NEK10: variants seen among roughly 807,000 people sequenced by gnomAD.
The protein encoded by NEK10 is serine/threonine-protein kinase Nek10.
In NEK10, 122 loss-of-function variants were observed where a neutral mutation model predicts 159.8. That is an observed-to-expected ratio of 0.76 (90% CI 0.66 to 0.89). NEK10 has a LOEUF of 0.89. NEK10 is among the 40% of genes least tolerant of loss of function. The pLI, the probability that NEK10 is intolerant of heterozygous loss-of-function variation, is 0.00. For missense variants in NEK10, 1,342 were observed against 1,323.1 expected (o/e 1.01, Z -0.22); for synonymous variants, 466 against 457.1 (o/e 1.02, Z -0.25).
intron 23 of NEK10, 149 bp from the exon 24 acceptor site, chr3:27,202,706 T>C (rs1005455484): frequency 5.4e-6 from 6 of 1,119,448 alleles, no homozygotes; most frequent in Admixed American, 3.3e-5. Flanking sequence ...AAAAAGTCTG[T>C]TTGAAATTTC....
At chr3:27,302,179 C>A (rs901022833) in intron 12 of NEK10, among the ~76,000 whole-genome samples, 1 of 152,084 alleles carries the variant, frequency 6.6e-6, no homozygotes, top group Admixed American at 6.5e-5. Context: ...TTCAATCTTC[C>A]TTTATTTTAA....
intron 28 of NEK10, 130 bp from the exon 29 acceptor site, chr3:27,172,003 T>C: frequency 1.0e-6 from 1 of 973,038 alleles, no homozygotes; most frequent in Non-Finnish European, 1.5e-6. Flanking sequence ...TCATACACTG[T>C]TGGTGGGACT....
intron 5 of NEK10, among the ~76,000 whole-genome samples, chr3:27,325,102 C>T (rs560059830): frequency 5.9e-5 from 9 of 152,268 alleles, no homozygotes; most frequent in South Asian, 2.1e-4. Flanking sequence ...GACTGAACTC[C>T]TGAGGTGAGA....
intron 30 of NEK10, among the ~76,000 whole-genome samples, chr3:27,159,552 T>G (rs956049379): frequency 3.3e-5 from 5 of 152,146 alleles, no homozygotes; most frequent in Admixed American, 2.0e-4. Context: ...TGTTTCTTCA[T>G]TCAGTTATTC....
chr3:27,361,897 C>CA (rs10542897), intron 1 of NEK10, among the ~76,000 whole-genome samples: 27 of 147,928 alleles, frequency 1.8e-4, no homozygotes, highest in Non-Finnish European at 2.4e-4. Flanking sequence ...CTGGGCACTA[C>CA]AAAAAAAAAA....
chr3:27,193,610 T>C (rs1949310706), intron 25 of NEK10, among the ~76,000 whole-genome samples: 1 of 143,778 alleles, frequency 7.0e-6, no homozygotes, highest in Non-Finnish European at 1.5e-5. Flanking sequence ...ATTTTTTTTT[T>C]TTTTTTTTTT....
intron 22 of NEK10, chr3:27,278,853 C>G (rs1317258415): frequency 2.0e-6 from 2 of 984,770 alleles, no homozygotes; most frequent in Admixed American, 6.2e-5. Context: ...CAATATGGAC[C>G]TTATTTGGCA....
rs36101281 is a variant in NEK10, at chr3:27,286,545, C to CTTTTTTTTTT, written c.1789+1143_1789+1152dup. Reference sequence around the variant, plus strand: ...TACAGGCGCCTGCCACCACGCCCAGCTTTTTTTTTTTTTTTTTTTTTTTAA... The same window carrying CTTTTTTTTTT: ...TACAGGCGCCTGCCACCACGCCCAGCTTTTTTTTTTTTTTTTTTTTTTTTTTTTTTTTTAA... On this transcript the variant is annotated intron_variant, in intron 20 of 35. Coordinates refer to ENST00000691995, the MANE Select transcript of NEK10 (RefSeq NM_001394966.1). Among the ~76,000 whole-genome samples, 4 of 65,020 alleles carry CTTTTTTTTTT rather than the reference C, an allele frequency of 6.2e-5. 1 individual carries two copies. The highest frequency in any genetic ancestry group is 2.7e-4 in the African/African-American group (3 of 11,228). 42.7% of individuals were successfully genotyped at this position (65,020 alleles called of 152,430 possible).
intron 26 of NEK10, among the ~76,000 whole-genome samples, chr3:27,186,070 C>T (rs550790936): frequency 6.6e-6 from 1 of 152,266 alleles, no homozygotes; most frequent in Non-Finnish European, 1.5e-5. Flanking sequence ...GAGGAGAATC[C>T]ATTCACTGTG....
chr3:27,254,132 A>G (rs1350902922), intron 23 of NEK10, among the ~76,000 whole-genome samples: 1 of 152,184 alleles, frequency 6.6e-6, no homozygotes, highest in Non-Finnish European at 1.5e-5. Context: ...CACGGACCGC[A>G]TGTAGCCCAA....
intron 25 of NEK10, among the ~76,000 whole-genome samples, chr3:27,198,696 C>A (rs907517605): frequency 3.3e-5 from 5 of 152,080 alleles, no homozygotes; most frequent in Non-Finnish European, 7.3e-5. Context: ...ACTATAAAAA[C>A]CCTGGAAGAC....
At chr3:27,248,256 C>CT (rs1216802917) in intron 23 of NEK10, among the ~76,000 whole-genome samples, 5 of 151,694 alleles carry the variant, frequency 3.3e-5, no homozygotes, top group East Asian at 1.9e-4. Context: ...GGTCTTCTCC[C>CT]TTTTTTTTAG....
intron 29 of NEK10, among the ~76,000 whole-genome samples, chr3:27,165,368 G>A (rs949972348): frequency 1.3e-5 from 2 of 152,180 alleles, no homozygotes; most frequent in Non-Finnish European, 2.9e-5. Flanking sequence ...ATTATGCAGA[G>A]CCTGGGGGAA....
rs565967573 is a variant in NEK10, at chr3:27,230,191, C to T, written c.2090+26105G>A. 4.6e-5 allele frequency among the ~76,000 whole-genome samples: 7 copies of T among 152,152 alleles called. No individual in the cohort carries two copies. The South Asian group carries it at 1.5e-3, about 32-fold the overall frequency. On this transcript the variant is annotated intron_variant, in intron 23 of 35. Coordinates refer to ENST00000691995, the MANE Select transcript of NEK10 (RefSeq NM_001394966.1). ...GATTTCTCAGGAGAAACCTTACAAG[C>T]CAGAAGGGATTGGGATCCTATCTTT...
intron 20 of NEK10, among the ~76,000 whole-genome samples, chr3:27,285,431 A>G (rs1408044035): frequency 6.6e-6 from 1 of 152,030 alleles, no homozygotes; most frequent in Non-Finnish European, 1.5e-5. Context: ...ACCTTACAGA[A>G]TTTTACACTG....
At chr3:27,198,107 C>G (rs1292475159) in intron 25 of NEK10, among the ~76,000 whole-genome samples, 2 of 152,014 alleles carry the variant, frequency 1.3e-5, no homozygotes, top group Admixed American at 6.6e-5. Flanking sequence ...AACTAGAAAA[C>G]ACTGCTCAAA....
intron 12 of NEK10, among the ~76,000 whole-genome samples, chr3:27,303,477 C>A (rs1331739391): frequency 6.6e-6 from 1 of 152,114 alleles, no homozygotes; most frequent in Non-Finnish European, 1.5e-5. Context: ...ATCCTACAAA[C>A]CTAAATAAAA....
chr3:27,359,383 T>C (rs1420632360), intron 1 of NEK10, among the ~76,000 whole-genome samples: 3 of 152,130 alleles, frequency 2.0e-5, no homozygotes, highest in Non-Finnish European at 4.4e-5. Context: ...TGACAAGAAG[T>C]CTCTGTTTCT....
chr3:27,174,886 T>C (rs1420127453), intron 26 of NEK10, 53 bp from the exon 27 acceptor site: 17 of 1,431,282 alleles, frequency 1.2e-5, no homozygotes, highest in Non-Finnish European at 1.5e-5. Flanking sequence ...CTTCCTTCTA[T>C]AGGACCTAAA....
Sources: gnomAD v4.1 joint callset for allele counts (sites outside exome capture counted in the v4.1 genomes callset) on GRCh38, gnomAD v4.1.1 for gene constraint, MANE v1.5 for transcripts, NCBI Gene and HGNC (gene_info 2026-07-23, HGNC 2026-07-21) for gene names.